The following EYS variants were observed in gnomAD, a reference collection of about 807,000 sequenced individuals.
EYS encodes EGF-like photoreceptor maintenance factor, also known as protein eyes shut homolog.
Under a neutral mutation model 282.1 loss-of-function variants are expected in EYS, and 250 were observed. The observed-to-expected ratio is 0.89, with a 90% CI of 0.80 to 0.98. The LOEUF (loss-of-function observed/expected upper bound fraction) is 0.98. EYS is among the 50% of genes least tolerant of loss of function. The pLI is 0.00. For synonymous variants in EYS, 1,355 were observed against 1,282.9 expected (o/e 1.06, Z -1.20); for missense variants, 4,016 against 3,709.0 (o/e 1.08, Z -2.15).
chr6:65,142,555 T>C (rs1265542951), intron 12 of EYS, among the ~76,000 whole-genome samples: 1 of 149,818 alleles, frequency 6.7e-6, no homozygotes, highest in Non-Finnish European at 1.5e-5. Context: ...TTCATAATAG[T>C]ACTATAGCAG....
chr6:64,625,016 G>T (rs1214068316), intron 23 of EYS, among the ~76,000 whole-genome samples: 1 of 152,116 alleles, frequency 6.6e-6, no homozygotes, highest in Non-Finnish European at 1.5e-5. Context: ...CTATAGGCAT[G>T]CTACTATCAT....
chr6:65,124,739 C>T (rs1365269833), intron 12 of EYS, among the ~76,000 whole-genome samples: 1 of 152,116 alleles, frequency 6.6e-6, no homozygotes, highest in Non-Finnish European at 1.5e-5. Flanking sequence ...TGACCTAGAA[C>T]TTAATTGTTC....
At chr6:65,311,928 G>T (rs1769171140) in intron 11 of EYS, among the ~76,000 whole-genome samples, 1 of 152,080 alleles carries the variant, frequency 6.6e-6, no homozygotes, top group Non-Finnish European at 1.5e-5. Flanking sequence ...AAGTATGTAG[G>T]GGTACCGTTT....
chr6:65,480,173 AAATT>A (rs939760532), intron 5 of EYS, among the ~76,000 whole-genome samples: 4 of 152,034 alleles, frequency 2.6e-5, no homozygotes, highest in Non-Finnish European at 4.4e-5. Context: ...CAAATAAGTA[AAATT>A]AATTAATTAA....
intron 35 of EYS, among the ~76,000 whole-genome samples, chr6:63,971,016 A>G (rs1766545020): frequency 6.6e-6 from 1 of 152,232 alleles, no homozygotes; most frequent in African/African-American, 2.4e-5. Flanking sequence ...GGATATAAAA[A>G]TGGTTAATGT....
chr6:64,029,722 T>G (rs1468560677), intron 33 of EYS, among the ~76,000 whole-genome samples: 1 of 152,230 alleles, frequency 6.6e-6, no homozygotes, highest in African/African-American at 2.4e-5. Context: ...TATGCCATAG[T>G]TAGTGATGTC....
At chr6:64,703,494 G>A (rs1434717959) in intron 22 of EYS, among the ~76,000 whole-genome samples, 16 of 136,720 alleles carry the variant, frequency 1.2e-4, no homozygotes, top group African/African-American at 2.5e-4. Flanking sequence ...GTGCAGTGGC[G>A]CGATCTCAGC....
chr6:63,826,572 G>T (rs574669447), intron 36 of EYS, among the ~76,000 whole-genome samples: 2 of 152,270 alleles, frequency 1.3e-5, no homozygotes, highest in African/African-American at 4.8e-5. Flanking sequence ...AGCTAGAAGG[G>T]ATTGGGGACC....
chr6:64,741,566 T>C (rs1162366447), intron 22 of EYS, among the ~76,000 whole-genome samples: 1 of 152,228 alleles, frequency 6.6e-6, no homozygotes, highest in Non-Finnish European at 1.5e-5. Context: ...CTAGGTGGCA[T>C]CTTCTAAGAA....
At chr6:65,567,762 A>G (rs562306395) in intron 2 of EYS, among the ~76,000 whole-genome samples, 1 of 152,250 alleles carries the variant, frequency 6.6e-6, no homozygotes, top group East Asian at 1.9e-4. Flanking sequence ...CAGGGTTTTA[A>G]CCAGTTTCTT....
intron 22 of EYS, among the ~76,000 whole-genome samples, chr6:64,757,547 T>G (rs1487934564): frequency 6.6e-6 from 1 of 152,098 alleles, no homozygotes; most frequent in East Asian, 1.9e-4. Context: ...TATCACGTCT[T>G]AATTTGTATC....
At chr6:64,561,919 CAAA>C (rs57111776) in intron 26 of EYS, among the ~76,000 whole-genome samples, 13 of 87,150 alleles carry the variant, frequency 1.5e-4, no homozygotes, top group East Asian at 6.8e-4. Flanking sequence ...CACATGGAAC[CAAA>C]AAAAAAAAAA....
At chr6:63,973,155 A>ACTTCAACC in intron 35 of EYS, among the ~76,000 whole-genome samples, 2 of 152,136 alleles carry the variant, frequency 1.3e-5, no homozygotes, top group African/African-American at 4.8e-5. Context: ...TGGTTGAAGT[A>ACTTCAACC]ATTTACACTT....
intron 5 of EYS, among the ~76,000 whole-genome samples, chr6:65,405,793 A>G (rs1429290707): frequency 6.6e-6 from 1 of 152,082 alleles, no homozygotes; most frequent in East Asian, 1.9e-4. Flanking sequence ...ATTGCTAAAG[A>G]GTAATTCACA....
chr6:64,703,429 A>ATATATTTTTTT (rs869208549), intron 22 of EYS, among the ~76,000 whole-genome samples: 25 of 23,348 alleles, frequency 1.1e-3, no homozygotes, highest in South Asian at 2.6e-3. Flanking sequence ...ATATATATAT[A>ATATATTTTTTT]TTTTTTTTTT....
intron 5 of EYS, among the ~76,000 whole-genome samples, chr6:65,438,702 G>T (rs564471985): frequency 1.7e-4 from 26 of 151,478 alleles, no homozygotes; most frequent in East Asian, 5.9e-4. Flanking sequence ...TTTTGATGGG[G>T]TTGTTTTTTT....
chr6:64,869,781 G>C (rs1304668964), intron 19 of EYS, among the ~76,000 whole-genome samples: 1 of 151,574 alleles, frequency 6.6e-6, no homozygotes, highest in African/African-American at 2.4e-5. Flanking sequence ...ATTAGGTTAA[G>C]TTTTGACTTT....
At chr6:63,941,049 T>C (rs1377940938) in intron 35 of EYS, among the ~76,000 whole-genome samples, 1 of 152,172 alleles carries the variant, frequency 6.6e-6, no homozygotes, top group Non-Finnish European at 1.5e-5. Context: ...TTCCATGGTG[T>C]ATATGAGCCA....
intron 12 of EYS, among the ~76,000 whole-genome samples, chr6:65,229,553 C>G (rs746994531): frequency 1.3e-5 from 2 of 151,248 alleles, no homozygotes; most frequent in South Asian, 2.1e-4. Flanking sequence ...GGAGCCCTTT[C>G]GGGAAATTAG....
Sources: gnomAD v4.1 joint callset for allele counts (sites outside exome capture counted in the v4.1 genomes callset) on GRCh38, gnomAD v4.1.1 for gene constraint, MANE v1.5 for transcripts, NCBI Gene and HGNC (gene_info 2026-07-23, HGNC 2026-07-21) for gene names.